Variants in ARHGAP24 observed in about 807,000 individuals in gnomAD.
ARHGAP24 encodes Rho GTPase activating protein 24.
ARHGAP24 carries 50 observed loss-of-function variants against 76.4 expected under a neutral mutation model. The ratio of observed to expected loss-of-function variants is 0.65; its 90% CI spans 0.52 to 0.83. ARHGAP24 has a LOEUF of 0.83. Among genes scored for constraint, ARHGAP24 ranks in the 40% least tolerant of loss-of-function variants. The pLI, the probability that ARHGAP24 is intolerant of heterozygous loss-of-function variation, is 0.00. For missense variants in ARHGAP24, 930 were observed against 914.2 expected, an observed-to-expected ratio of 1.02 and a Z score of -0.22; for synonymous variants, 345 against 323.3, an observed-to-expected ratio of 1.07 and a Z score of -0.72.
At chr4:85,789,505 C>A (rs1728019964) in intron 3 of ARHGAP24, among the ~76,000 whole-genome samples, 1 of 151,606 alleles carries the variant, frequency 6.6e-6, no homozygotes, top group Admixed American at 6.6e-5. Flanking sequence ...ACAGAGACAC[C>A]AAAAAAGCAA....
intron 5 of ARHGAP24, among the ~76,000 whole-genome samples, chr4:85,969,342 A>G (rs1049499617): frequency 2.0e-5 from 3 of 152,058 alleles, no homozygotes; most frequent in Non-Finnish European, 4.4e-5. Context: ...TTCTTGTTAA[A>G]TGTGTTTCTT....
intron 3 of ARHGAP24, among the ~76,000 whole-genome samples, chr4:85,768,983 G>C (rs1727029602): frequency 6.6e-6 from 1 of 152,180 alleles, no homozygotes; most frequent in Non-Finnish European, 1.5e-5. Context: ...TGATAACAGA[G>C]ACACTGCAGA....
At chr4:85,679,411 A>C (rs1483903656) in intron 2 of ARHGAP24, among the ~76,000 whole-genome samples, 1 of 152,172 alleles carries the variant, frequency 6.6e-6, no homozygotes, top group African/African-American at 2.4e-5. Flanking sequence ...AGCCGTGCCA[A>C]AATGTATTGA....
In ARHGAP24 at chr4:85,530,390, C is replaced by T. The variant is rs111556080; in HGVS notation, c.-20-40132C>T. Reference sequence around the variant, plus strand: ...GTCTTGACTGTTTCACTGCGATATTCAGCTATTGCAAGAATATTTTCTTCA... The same window carrying T: ...GTCTTGACTGTTTCACTGCGATATTTAGCTATTGCAAGAATATTTTCTTCA... On this transcript the variant is annotated intron_variant, in intron 1 of 9. Transcript: ENST00000395184. Among the ~76,000 whole-genome samples, 1,463 of 152,070 alleles carry T rather than the reference C, an allele frequency of 9.6e-3. 12 individuals are homozygous for T. The highest frequency in any genetic ancestry group is 0.019 in the East Asian group (96 of 5,178).
chr4:85,971,150 CA>C (rs1738951138), intron 5 of ARHGAP24, among the ~76,000 whole-genome samples: 1 of 152,130 alleles, frequency 6.6e-6, no homozygotes, highest in African/African-American at 2.4e-5. Context: ...TGCTTAGAAT[CA>C]ATTATTTTCA....
intron 3 of ARHGAP24, among the ~76,000 whole-genome samples, chr4:85,744,653 G>C (rs376266412): frequency 6.6e-6 from 1 of 152,084 alleles, no homozygotes; most frequent in African/African-American, 2.4e-5. Context: ...CCCTCCACGC[G>C]TTAGAGGCAA....
chr4:85,756,801 G>A (rs1449781267), intron 3 of ARHGAP24, among the ~76,000 whole-genome samples: 1 of 152,126 alleles, frequency 6.6e-6, no homozygotes, highest in Non-Finnish European at 1.5e-5. Flanking sequence ...TCAGGAGCTG[G>A]TTTATTGATC....
In ARHGAP24 at chr4:85,498,743, T is replaced by C. The variant is rs114072987; in HGVS notation, c.-21+23184T>C. 4.5e-3 allele frequency among the ~76,000 whole-genome samples: 684 copies of C among 152,360 alleles called. 7 individuals are homozygous for C. Among genetic ancestry groups the C allele is most frequent in the African/African-American group, 0.015 (630 of 41,586 alleles). On this transcript the variant is annotated intron_variant, in intron 1 of 9. Coordinates refer to ENST00000395184, the MANE Select transcript of ARHGAP24 (RefSeq NM_001025616.3). ...ACAGATTGCTCGAGTGAGCCTTCTC[T>C]ACACTAAACTTCAAGAATATTTATG...
chr4:85,645,791 T>G (rs1421123024), intron 2 of ARHGAP24, among the ~76,000 whole-genome samples: 2 of 152,114 alleles, frequency 1.3e-5, no homozygotes, highest in Non-Finnish European at 2.9e-5. Context: ...GCTGAGAGCT[T>G]ATGAAAAATA....
intron 2 of ARHGAP24, among the ~76,000 whole-genome samples, chr4:85,691,189 T>C (rs1723642329): frequency 6.6e-6 from 1 of 152,096 alleles, no homozygotes. Context: ...TCTGTATTTA[T>C]TGTACCATGG....
chr4:85,706,549 ATGT>A (rs1371208153), intron 2 of ARHGAP24, among the ~76,000 whole-genome samples: 1 of 151,658 alleles, frequency 6.6e-6, no homozygotes, highest in Non-Finnish European at 1.5e-5. Context: ...TTTCAAAAAG[ATGT>A]TGTTTTTGTT....
chr4:85,521,208 G>A (rs1324274291), intron 1 of ARHGAP24, among the ~76,000 whole-genome samples: 1 of 152,016 alleles, frequency 6.6e-6, no homozygotes, highest in Non-Finnish European at 1.5e-5. Flanking sequence ...ATAGCATGTT[G>A]TTTCACTGAT....
chr4:85,924,984 AT>A (rs1735938241), intron 4 of ARHGAP24, among the ~76,000 whole-genome samples: 2 of 152,178 alleles, frequency 1.3e-5, no homozygotes, highest in African/African-American at 4.8e-5. Flanking sequence ...ATGACAACAC[AT>A]ACGGTTACCT....
chr4:85,571,269 G>C (rs986767000), intron 2 of ARHGAP24, among the ~76,000 whole-genome samples: 3 of 152,168 alleles, frequency 2.0e-5, no homozygotes, highest in Non-Finnish European at 4.4e-5. Flanking sequence ...CTGTTGCTTT[G>C]TAGTTCCTTA....
At chr4:85,950,151 CAAAGTCCTAGAGACA>C (rs1737527038) in intron 5 of ARHGAP24, among the ~76,000 whole-genome samples, 1 of 152,032 alleles carries the variant, frequency 6.6e-6, no homozygotes, top group Admixed American at 6.6e-5. Context: ...ATAGCAAGTG[CAAAGTCCTAGAGACA>C]GGAACAGCTT....
intron 3 of ARHGAP24, among the ~76,000 whole-genome samples, chr4:85,733,870 G>T (rs188607954): frequency 5.9e-4 from 90 of 152,276 alleles, no homozygotes; most frequent in African/African-American, 2.1e-3. Context: ...ACATTCTGAG[G>T]TATTGGGGGT....
intron 3 of ARHGAP24, among the ~76,000 whole-genome samples, chr4:85,814,633 T>C (rs1031680517): frequency 3.9e-5 from 6 of 152,196 alleles, no homozygotes; most frequent in East Asian, 3.9e-4. Context: ...TCCACCCCTA[T>C]GGCTTTTCAG....
At chr4:85,705,222 T>A (rs1435786687) in intron 2 of ARHGAP24, among the ~76,000 whole-genome samples, 1 of 151,862 alleles carries the variant, frequency 6.6e-6, no homozygotes, top group Non-Finnish European at 1.5e-5. Flanking sequence ...AAATATGAGA[T>A]TTTTACCAAG....
At chr4:85,637,446 G>T (rs1028425547) in intron 2 of ARHGAP24, among the ~76,000 whole-genome samples, 1 of 151,902 alleles carries the variant, frequency 6.6e-6, no homozygotes, top group Non-Finnish European at 1.5e-5. Context: ...ACTGATTTTC[G>T]AACATATATT....
Sources: gnomAD v4.1 joint callset for allele counts (sites outside exome capture counted in the v4.1 genomes callset) on GRCh38, gnomAD v4.1.1 for gene constraint, MANE v1.5 for transcripts, NCBI Gene and HGNC (gene_info 2026-07-23, HGNC 2026-07-21) for gene names.